The following DAB2IP variants were observed in gnomAD, a reference collection of about 807,000 sequenced individuals.
The protein encoded by DAB2IP is disabled homolog 2-interacting protein.
DAB2IP carries 28 observed loss-of-function variants against 107.2 expected under a neutral mutation model. The ratio of observed to expected loss-of-function variants is 0.26; its 90% CI spans 0.19 to 0.36. The LOEUF (loss-of-function observed/expected upper bound fraction) is 0.36, where lower values mean the gene tolerates loss of function less well. DAB2IP is among the 10% of genes least tolerant of loss of function. DAB2IP has a pLI of 1.00. For synonymous variants in DAB2IP, 755 were observed against 706.4 expected (o/e 1.07, Z -1.09); for missense variants, 1,400 against 1,644.7 (o/e 0.85, Z 2.57).
At position 121,776,274 on chromosome 9, in the gene DAB2IP, A is replaced by G; in HGVS notation, c.3197A>G (p.Gln1066Arg). The change falls in exon 14 of 16, where the codon CAG becomes CGG. Residue 1066 changes from glutamine to arginine, a missense_variant. Coordinates refer to ENST00000408936, the Ensembl canonical transcript of DAB2IP. The surrounding 1 kb of genome is among the most constrained non-coding windows in gnomAD (Gnocchi z 5.4). ...GAGTATGAGACCCTGTTCAAGTGCC[A>G]GGAGGAGACGACGCAGAAGCTGGTG... The G allele has an allele frequency of 6.3e-7, 1 of 1,584,876 alleles. No individual in the cohort carries two copies.
chr9:121,768,711 T>C, intron 10 of DAB2IP, 78 bp downstream of exon 10: 5 of 1,570,386 alleles, frequency 3.2e-6, no homozygotes, highest in East Asian at 2.3e-5. Flanking sequence ...AGAGTAACCA[T>C]GGAGGGCAGA....
At chr9:121,629,324 A>C (rs1831785171) in intron 1 of DAB2IP, among the ~76,000 whole-genome samples, 1 of 152,140 alleles carries the variant, frequency 6.6e-6, no homozygotes, top group Admixed American at 6.5e-5. Context: ...GGCTGATGGC[A>C]GAGGGTGGTG....
intron 3 of DAB2IP, among the ~76,000 whole-genome samples, chr9:121,754,517 C>A (rs1228429826): frequency 6.6e-6 from 1 of 152,194 alleles, no homozygotes; most frequent in Non-Finnish European, 1.5e-5. Flanking sequence ...ACATCCCACC[C>A]CGTGGAGAAG....
intron 3 of DAB2IP, chr9:121,737,773 G>A (rs1832034842): frequency 1.0e-6 from 1 of 985,470 alleles, no homozygotes; most frequent in Non-Finnish European, 1.2e-6. Flanking sequence ...TTCCTCCCCG[G>A]TGGGTGGGTC....
Position 121,734,037 on chromosome 9 carries a change from G to A in DAB2IP, c.363-22976G>A, listed in dbSNP as rs1353371467. The stretch of plus-strand genomic sequence containing the variant: ...GCTTCTGAAATTCCCCCAGCTACAC[G>A]TGGCCAAGAATGGTCACTGTGTACT... On this transcript the variant is annotated intron_variant, in intron 3 of 15. Coordinates refer to ENST00000408936, the Ensembl canonical transcript of DAB2IP. Among the ~76,000 whole-genome samples the A allele has an allele frequency of 1.1e-4, 17 of 152,342 alleles. No individual in the cohort carries two copies. The East Asian group carries it at 2.7e-3, about 24-fold the overall frequency.
intron 14 of DAB2IP, among the ~76,000 whole-genome samples, chr9:121,777,573 T>G (rs984160135): frequency 2.0e-4 from 31 of 152,248 alleles, no homozygotes; most frequent in African/African-American, 6.8e-4. Flanking sequence ...ACACGTTCGT[T>G]TCTACTAACC....
At chr9:121,731,200 G>A (rs1831516492) in intron 3 of DAB2IP, among the ~76,000 whole-genome samples, 1 of 152,158 alleles carries the variant, frequency 6.6e-6, no homozygotes, top group African/African-American at 2.4e-5. Flanking sequence ...AGTTTCCTGA[G>A]GACAGACCGG....
intron 1 of DAB2IP, among the ~76,000 whole-genome samples, chr9:121,586,490 C>T (rs1427737355): frequency 6.6e-6 from 1 of 152,096 alleles, no homozygotes; most frequent in Non-Finnish European, 1.5e-5. Flanking sequence ...GGGCCCCTTG[C>T]AGGGAGCTGC....
chr9:121,642,008 TC>T (rs1283518242), intron 1 of DAB2IP, among the ~76,000 whole-genome samples: 17 of 23,396 alleles, frequency 7.3e-4, no homozygotes, highest in African/African-American at 4.6e-3. Context: ...TCTCTCTCTC[TC>T]TCTCTCTCTC....
chr9:121,706,709 G>A (rs1017088253), intron 3 of DAB2IP, among the ~76,000 whole-genome samples: 4 of 152,166 alleles, frequency 2.6e-5, no homozygotes, highest in African/African-American at 9.7e-5. Context: ...TCCCAGCTGG[G>A]GCATGCCTGT....
At chr9:121,571,423 C>G (rs1829938219) in intron 1 of DAB2IP, among the ~76,000 whole-genome samples, 1 of 152,102 alleles carries the variant, frequency 6.6e-6, no homozygotes, top group Admixed American at 6.5e-5. Flanking sequence ...GCAGAAGAAA[C>G]AGCAGGTGCA....
At chr9:121,646,927 C>A (rs1274757868), upstream of DAB2IP, among the ~76,000 whole-genome samples, 2 of 152,170 alleles carry the variant, frequency 1.3e-5, no homozygotes, top group Non-Finnish European at 2.9e-5. Flanking sequence ...TGCCTCTTGA[C>A]ATTTCTTCTG....
rs947089299 is a variant in DAB2IP, at chr9:121,736,504, G to A, written c.363-20509G>A. Among the ~76,000 whole-genome samples, 1 of 148,926 alleles carries A rather than the reference G, an allele frequency of 6.7e-6. No individual in the cohort carries two copies. The highest frequency in any genetic ancestry group is 2.2e-4 in the South Asian group (1 of 4,544). On this transcript the variant is annotated intron_variant, in intron 3 of 15. Transcript: ENST00000408936. The surrounding 1 kb of genome is among the most constrained non-coding windows in gnomAD (Gnocchi z 4.6). ...GGCAGCTGGCCGCGGAATGTCACCC[G>A]CTGCCGGGCCTGGGAAGGGCTGGGC...
rs1184529702 is a variant in DAB2IP at position 121,759,128 on chromosome 9, G to A, written c.615+132G>A. 6.0e-6 allele frequency: 5 copies of A among 838,654 alleles called. No homozygotes were observed. In the Admixed American group the frequency reaches 1.1e-4, roughly 18 times the overall value. The allele number at this position is 838,654 out of a possible 1,614,324, so 52.0% of individuals were successfully genotyped here. ...CAGCCTGCATGGAGGCAGGGCCCGA[G>A]TGGACAATATTGGTGGACTCTGAAA... On this transcript the variant is annotated intron_variant, in intron 5 of 15. Transcript: ENST00000408936.
intron 12 of DAB2IP, 133 bp downstream of exon 12, chr9:121,773,628 G>A: frequency 8.9e-7 from 1 of 1,121,804 alleles, no homozygotes; most frequent in Non-Finnish European, 1.2e-6. Flanking sequence ...CCACCAGCCT[G>A]CCACATGCGC....
At chr9:121,762,161 T>TA (rs1833941388) in intron 6 of DAB2IP, among the ~76,000 whole-genome samples, 1 of 151,884 alleles carries the variant, frequency 6.6e-6, no homozygotes, top group Non-Finnish European at 1.5e-5. Flanking sequence ...GCTAGAGGAG[T>TA]AACGGAGTCT....
chr9:121,760,015 T>C lies in DAB2IP; in HGVS notation c.746T>C (p.Leu249Pro). ...CTCTATGCCCGCACCACGGGCAAGC[T>C]CAAGACGGACAATGTTTTCTGGGGC... The change falls in exon 6 of 16, where the codon CTC (leucine) becomes CCC (proline). Residue 249 changes from leucine to proline, a missense_variant. Coordinates refer to ENST00000408936, the Ensembl canonical transcript of DAB2IP. This position sits in a 1 kb window ranked among gnomAD's most constrained non-coding sequence, Gnocchi z 5.9. 1 of 1,614,194 alleles carries C rather than the reference T, an allele frequency of 6.2e-7. No individual in the cohort carries two copies. The highest frequency in any genetic ancestry group is 1.1e-5 in the South Asian group (1 of 91,086).
chr9:121,711,991 C>T (rs959280284), intron 3 of DAB2IP, among the ~76,000 whole-genome samples: 2 of 152,258 alleles, frequency 1.3e-5, no homozygotes, highest in African/African-American at 2.4e-5. Flanking sequence ...CATAATTGCA[C>T]CGTCTCCTGA....
chr9:121,612,651 C>T (rs1179438055), intron 1 of DAB2IP, among the ~76,000 whole-genome samples: 2 of 152,162 alleles, frequency 1.3e-5, no homozygotes, highest in Admixed American at 6.5e-5. Context: ...TTCCGAGAAC[C>T]GCCAGGGTCC....
Sources: gnomAD v4.1 joint callset for allele counts (sites outside exome capture counted in the v4.1 genomes callset) on GRCh38, gnomAD v4.1.1 for gene constraint, Gnocchi (gnomAD v3.1) non-coding constraint, MANE v1.5 for transcripts, NCBI Gene and HGNC (gene_info 2026-07-23, HGNC 2026-07-21) for gene names.